The following WNT7B variants were observed in gnomAD, a reference collection of about 807,000 sequenced individuals.
The protein encoded by WNT7B is Wnt family member 7B.
A neutral mutation model predicts 38.2 loss-of-function variants in WNT7B; 19 were observed. The ratio of observed to expected loss-of-function variants is 0.50; its 90% confidence interval spans 0.35 to 0.73. The LOEUF (loss-of-function observed/expected upper bound fraction) is 0.73, where lower values mean the gene tolerates loss of function less well. Ranked by LOEUF, WNT7B falls within the 30% of genes least tolerant of loss-of-function variation. The probability of loss-of-function intolerance (pLI) is 0.01; values close to 1 mark genes in which losing one functional copy is unlikely to be tolerated. For missense variants in WNT7B, 423 were observed against 507.9 expected, an observed-to-expected ratio of 0.83 and a Z score of 1.61; for synonymous variants, 243 against 209.3, an observed-to-expected ratio of 1.16 and a Z score of -1.39.
rs1932566481 is a variant in WNT7B at position 45,976,993 on chromosome 22, C to G, written c.-239G>C. 1 of 986,482 alleles carries G rather than the reference C, an allele frequency of 1.0e-6. No individual in the cohort carries two copies. The highest frequency in any genetic ancestry group is 4.6e-5 in the South Asian group (1 of 21,576). The allele number at this position is 986,482 out of a possible 1,614,324, so 61.1% of individuals were successfully genotyped here. A position where few individuals can be genotyped will look rare whatever the true frequency, so the allele number is the denominator to read the frequency against. On this transcript the variant is annotated 5_prime_UTR_variant, in exon 1 of 4. Transcript: ENST00000339464. This position sits in a 1 kb window ranked among gnomAD's most constrained non-coding sequence, Gnocchi z 8.5. ...TGACCCAGGCTGGGGGCCGCGACCT[C>G]GAAGCCCGGTTGAGCGACCGTGGAC... is the stretch of plus-strand genomic sequence containing the variant.
chr22:45,964,408 C>T (rs1001600065), intron 1 of WNT7B, among the ~76,000 whole-genome samples: 3 of 152,146 alleles, frequency 2.0e-5, no homozygotes, highest in African/African-American at 7.2e-5. Flanking sequence ...GGAGTGTGGC[C>T]CCTGCAGGCC....
chr22:45,961,221 C>T (rs1282515440), intron 1 of WNT7B, among the ~76,000 whole-genome samples: 5 of 152,250 alleles, frequency 3.3e-5, no homozygotes, highest in African/African-American at 1.2e-4. Context: ...CGTCCTTTCT[C>T]AGGGCCCAGC....
rs73446581 is a variant in WNT7B, at chr22:45,971,908, G to A, written c.71+4776C>T. 2.6e-3 allele frequency among the ~76,000 whole-genome samples: 397 copies of A among 152,288 alleles called. 2 individuals carry two copies. Among genetic ancestry groups the A allele is most frequent in the African/African-American group, 9.3e-3 (386 of 41,550 alleles). On this transcript the variant is annotated intron_variant, in intron 1 of 3. Coordinates refer to ENST00000339464, the MANE Select transcript of WNT7B (RefSeq NM_058238.3). ...CCTGCTCTACTCCCGCAGTCGAGCC[G>A]CTCTCAGGCCATCCTTTCTTTGACC...
intron 1 of WNT7B, among the ~76,000 whole-genome samples, chr22:45,953,518 C>T (rs1208335796): frequency 6.6e-6 from 1 of 152,180 alleles, no homozygotes; most frequent in Non-Finnish European, 1.5e-5. Flanking sequence ...TTAAGAACCA[C>T]ATCTGAAAGA....
chr22:45,930,340 C>T (rs996893209), intron 3 of WNT7B, among the ~76,000 whole-genome samples: 2 of 152,270 alleles, frequency 1.3e-5, no homozygotes, highest in African/African-American at 4.8e-5. Flanking sequence ...GTCTGTCCCA[C>T]ACCTGAGAAG....
intron 3 of WNT7B, 45 bp downstream of exon 3, chr22:45,931,053 C>G (rs1164013149): frequency 6.6e-7 from 1 of 1,523,224 alleles, no homozygotes; most frequent in African/African-American, 1.4e-5. Context: ...GCGGGTGATA[C>G]AGCGGTCCCA....
At position 45,920,948 on chromosome 22, in the gene WNT7B, G is replaced by C. The variant is rs2146699127; in HGVS notation, c.*1908C>G. On this transcript the variant is annotated 3_prime_UTR_variant, in exon 4 of 4. Transcript: ENST00000339464. Reference sequence around the variant, plus strand: ...GGTAAGGGGATGGGGCCAGGCTGAGGGTGGGGCATTCACGGTGGCCCGGAG... The same window carrying C: ...GGTAAGGGGATGGGGCCAGGCTGAGCGTGGGGCATTCACGGTGGCCCGGAG... 1 of 152,422 alleles carries C rather than the reference G, an allele frequency of 6.6e-6. No individual in the cohort carries two copies. Among genetic ancestry groups the C allele is most frequent in the Admixed American group, 6.5e-5 (1 of 15,310 alleles). The allele number at this position is 152,422 out of a possible 1,614,324, so 9.4% of individuals were successfully genotyped here.
At chr22:45,939,632 A>AAC (rs56152359) in intron 2 of WNT7B, among the ~76,000 whole-genome samples, 71,619 of 144,814 alleles carry the variant, frequency 0.49, 18,380 homozygotes, top group Non-Finnish European at 0.57. Flanking sequence ...TGTCTCTACA[A>AAC]ACACACACAC....
intron 1 of WNT7B, among the ~76,000 whole-genome samples, chr22:45,950,589 G>A (rs780067875): frequency 1.9e-4 from 29 of 152,198 alleles, no homozygotes; most frequent in Non-Finnish European, 4.0e-4. Flanking sequence ...TAAATTCCCC[G>A]ATGGCCCCTC....
At chr22:45,935,667 C>A (rs1376928135) in intron 2 of WNT7B, among the ~76,000 whole-genome samples, 1 of 152,202 alleles carries the variant, frequency 6.6e-6, no homozygotes, top group Non-Finnish European at 1.5e-5. Context: ...TCCCACCCAT[C>A]GCTGTTTCCC....
chr22:45,950,437 C>A (rs1421874586), intron 1 of WNT7B, among the ~76,000 whole-genome samples: 1 of 152,256 alleles, frequency 6.6e-6, no homozygotes, highest in East Asian at 1.9e-4. Context: ...CACAGCTCTC[C>A]AGGCCACTGA....
chr22:45,961,057 C>T (rs562251556), intron 1 of WNT7B, among the ~76,000 whole-genome samples: 32 of 152,378 alleles, frequency 2.1e-4, no homozygotes, highest in African/African-American at 5.5e-4. Flanking sequence ...AGAGCTCCAC[C>T]TGCACCTGCC....
intron 2 of WNT7B, among the ~76,000 whole-genome samples, chr22:45,936,819 C>G (rs190128846): frequency 7.9e-5 from 12 of 152,342 alleles, no homozygotes; most frequent in Non-Finnish European, 1.3e-4. Flanking sequence ...CTAGAAAGAG[C>G]AGATGTGTGT....
intron 3 of WNT7B, among the ~76,000 whole-genome samples, chr22:45,930,181 C>T (rs1402224306): frequency 6.6e-6 from 1 of 152,246 alleles, no homozygotes; most frequent in Non-Finnish European, 1.5e-5. Context: ...CTCATGTGGA[C>T]CCAGTTCCCA....
At chr22:45,938,501 G>C (rs759604003) in intron 2 of WNT7B, among the ~76,000 whole-genome samples, 6 of 152,134 alleles carry the variant, frequency 3.9e-5, no homozygotes, top group Non-Finnish European at 8.8e-5. Context: ...GCCAGGCGTG[G>C]TGGTGTGCGC....
chr22:45,943,131 G>A (rs1286204113), intron 2 of WNT7B, among the ~76,000 whole-genome samples: 1 of 152,110 alleles, frequency 6.6e-6, no homozygotes, highest in Non-Finnish European at 1.5e-5. Context: ...CAGGTGTACT[G>A]CTGTATGTCT....
At chr22:45,950,653 G>C (rs538658550) in intron 1 of WNT7B, among the ~76,000 whole-genome samples, 1 of 152,192 alleles carries the variant, frequency 6.6e-6, no homozygotes, top group Admixed American at 6.5e-5. Context: ...AAGCCCATCC[G>C]GTACTGACTC....
rs900503481 is a variant in WNT7B, at chr22:45,975,418, G to A, written c.71+1266C>T. The A allele has an allele frequency of 1.5e-5, 9 of 617,294 alleles. No individual in the cohort carries two copies. The highest frequency in any genetic ancestry group is 8.6e-5 in the East Asian group (3 of 34,822). The allele number at this position is 617,294 out of a possible 1,614,324, so 38.2% of individuals were successfully genotyped here. ...GCCTACCCACAGACCTATGATAAAC[G>A]GGGCTACCGGCAGCCGCAGACACGC... On this transcript the variant is annotated intron_variant, in intron 1 of 3. Coordinates refer to ENST00000339464, the MANE Select transcript of WNT7B (RefSeq NM_058238.3). The surrounding 1 kb of genome is among the most constrained non-coding windows in gnomAD (Gnocchi z 6.6).
intron 2 of WNT7B, among the ~76,000 whole-genome samples, chr22:45,937,965 C>T (rs536976984): frequency 1.1e-3 from 168 of 151,974 alleles, no homozygotes; most frequent in African/African-American, 3.9e-3. Flanking sequence ...GCCGAGACCG[C>T]GCCATTGCAC....
Sources: allele counts gnomAD v4.1 joint callset (sites outside exome capture counted in the v4.1 genomes callset), GRCh38; gene constraint gnomAD v4.1.1; non-coding constraint Gnocchi (gnomAD v3.1); transcripts MANE v1.5; gene names NCBI Gene and HGNC (gene_info 2026-07-23, HGNC 2026-07-21).